ASH1L: variants seen among roughly 807,000 people sequenced by gnomAD.
ASH1L encodes ASH1 like histone lysine methyltransferase, also known as histone-lysine N-methyltransferase ASH1L.
Under a neutral mutation model 269.0 loss-of-function variants are expected in ASH1L, and 23 were observed. The observed-to-expected ratio is 0.09, with a 90% CI of 0.06 to 0.12. ASH1L has a LOEUF of 0.12. Among genes scored for constraint, ASH1L ranks in the 10% least tolerant of loss-of-function variants. The pLI is 1.00. For missense variants in ASH1L, 2,912 were observed against 3,567.8 expected, an observed-to-expected ratio of 0.82 and a Z score of 4.68; for synonymous variants, 1,187 against 1,253.5, an observed-to-expected ratio of 0.95 and a Z score of 1.12.
At chr1:155,459,011 T>C (rs1664084900) in intron 4 of ASH1L, among the ~76,000 whole-genome samples, 1 of 149,226 alleles carries the variant, frequency 6.7e-6, no homozygotes, top group Non-Finnish European at 1.5e-5. Flanking sequence ...ATTGGAAGCA[T>C]ACCCTAAATT....
intron 3 of ASH1L, among the ~76,000 whole-genome samples, chr1:155,472,970 A>C (rs1665220896): frequency 1.3e-5 from 2 of 152,158 alleles, no homozygotes. Context: ...CATTACTCTC[A>C]TGATTATACA....
intron 5 of ASH1L, among the ~76,000 whole-genome samples, chr1:155,420,215 C>G (rs982596094): frequency 3.3e-5 from 5 of 151,598 alleles, no homozygotes; most frequent in Middle Eastern, 3.2e-3. Context: ...GTCCCAGCTT[C>G]TCAGGAAGCT....
chr1:155,480,365 C>T lies in ASH1L; in HGVS notation c.2505G>A (p.Glu835=). The T allele has an allele frequency of 6.2e-7, 1 of 1,613,844 alleles. No individual in the cohort carries two copies. Among genetic ancestry groups the T allele is most frequent in the Non-Finnish European group, 8.5e-7 (1 of 1,179,774 alleles). Residue 835 remains glutamate (E), a synonymous_variant, in exon 3 of 28, where the codon GAG becomes GAA. Coordinates refer to ENST00000392403, the MANE Select transcript of ASH1L (RefSeq NM_018489.3). ...TAGGTGGCCCTTCCAGTTGAGGCAT[C>T]TCCTTAGATTTAGGCCTTCCTCTTT... The part of the protein sequence containing the change: ...KPKRGRPKSK[E]MPQLEGPPKR...
At chr1:155,431,216 A>C (rs539167182) in intron 5 of ASH1L, among the ~76,000 whole-genome samples, 13 of 150,896 alleles carry the variant, frequency 8.6e-5, no homozygotes, top group Admixed American at 6.6e-4. Context: ...ACAACAACAA[A>C]AATATATATA....
chr1:155,497,309 G>C (rs1007268856), intron 2 of ASH1L, among the ~76,000 whole-genome samples: 1 of 152,084 alleles, frequency 6.6e-6, no homozygotes, highest in African/African-American at 2.4e-5. Flanking sequence ...AATGAAATAT[G>C]GTATATACAA....
intron 1 of ASH1L, among the ~76,000 whole-genome samples, chr1:155,543,509 C>CA (rs34813767): frequency 0.32 from 18,336 of 56,900 alleles, 3,081 homozygotes; most frequent in East Asian, 0.69. Flanking sequence ...GACTCTGTCT[C>CA]AAAAAAAAAA....
intron 2 of ASH1L, among the ~76,000 whole-genome samples, chr1:155,512,094 G>A (rs1168158483): frequency 6.6e-6 from 1 of 152,140 alleles, no homozygotes; most frequent in Non-Finnish European, 1.5e-5. Context: ...TTACAGGTGT[G>A]AGCCACTGTG....
chr1:155,498,725 G>A (rs886099815), intron 2 of ASH1L, among the ~76,000 whole-genome samples: 1 of 151,990 alleles, frequency 6.6e-6, no homozygotes, highest in African/African-American at 2.4e-5. Flanking sequence ...ACAGGCATAA[G>A]CCACTGTGCC....
intron 15 of ASH1L, 134 bp downstream of exon 15, chr1:155,357,182 T>C: frequency 2.2e-6 from 1 of 462,860 alleles, no homozygotes; most frequent in East Asian, 4.1e-5. Context: ...TCCATCCAGG[T>C]TCATAGATCC....
At chr1:155,431,702 G>T (rs1241907069) in intron 5 of ASH1L, among the ~76,000 whole-genome samples, 1 of 152,118 alleles carries the variant, frequency 6.6e-6, no homozygotes, top group East Asian at 1.9e-4. Context: ...GGTGGAGGTT[G>T]CAGTGAACTG....
At chr1:155,543,509 CAAAAAAAAAAAA>C (rs34813767) in intron 1 of ASH1L, among the ~76,000 whole-genome samples, 25 of 57,456 alleles carry the variant, frequency 4.4e-4, no homozygotes, top group South Asian at 3.2e-3. Context: ...GACTCTGTCT[CAAAAAAAAAAAA>C]AAAAAAAAAA....
intron 1 of ASH1L, among the ~76,000 whole-genome samples, chr1:155,548,259 C>T (rs558324825): frequency 2.0e-5 from 3 of 152,246 alleles, no homozygotes; most frequent in African/African-American, 7.2e-5. Context: ...CAGTGGCTCA[C>T]GCCTGTAATC....
intron 3 of ASH1L, among the ~76,000 whole-genome samples, chr1:155,474,477 C>T (rs1240428702): frequency 6.6e-6 from 1 of 152,066 alleles, no homozygotes; most frequent in African/African-American, 2.4e-5. Context: ...GTAGGAGGGT[C>T]CCTTTGAGCC....
intron 1 of ASH1L, among the ~76,000 whole-genome samples, chr1:155,554,404 C>A (rs545657788): frequency 6.6e-6 from 1 of 152,076 alleles, no homozygotes; most frequent in Non-Finnish European, 1.5e-5. Flanking sequence ...TCCCGAGTAG[C>A]TGGGATTAAA....
intron 5 of ASH1L, among the ~76,000 whole-genome samples, chr1:155,434,832 C>A (rs568770060): frequency 1.3e-5 from 2 of 151,954 alleles, no homozygotes; most frequent in South Asian, 4.2e-4. Context: ...GCCTGGGCGA[C>A]AGAGCGAGAC....
At position 155,338,340 on chromosome 1, in the gene ASH1L, T is replaced by A; in HGVS notation, c.8552A>T (p.Gln2851Leu). 1 of 1,614,122 alleles carries A rather than the reference T, an allele frequency of 6.2e-7. No individual in the cohort carries two copies. Among genetic ancestry groups the A allele is most frequent in the Non-Finnish European group, 8.5e-7 (1 of 1,180,022 alleles). The stretch of plus-strand genomic sequence containing the variant: ...AATCAAGGGTAGAGCATCATCCTCC[T>A]GGCCCAAGTCTTTTAGGGGTGGCTT... Reference protein sequence around the residue: ...RSKPPLKDLGQEDDALPLIEE... With the variant: ...RSKPPLKDLGLEDDALPLIEE... Residue 2851 changes from glutamine to leucine, a missense_variant, in exon 27 of 28, where the codon CAG (glutamine) becomes CTG (leucine). By Grantham distance (113) the Gln-to-Leu change is moderately radical. Around this residue, in one of 13 missense-constraint regions of ASH1L, gnomAD observed 154 missense variants for 165.0 expected, o/e 0.93. Coordinates refer to ENST00000392403, the MANE Select transcript of ASH1L (RefSeq NM_018489.3).
rs376071723 is a variant in ASH1L at position 155,339,402 on chromosome 1, G to A, written c.8461-34C>T. ...AAGAAAAGGAAGAGGTAAGCATATT[G>A]TAGAAGCTGGGAGAGCTAGCTCTTC... On this transcript the variant is annotated intron_variant, in intron 25 of 27. Transcript: ENST00000392403. The A allele has an allele frequency of 1.1e-5, 17 of 1,608,414 alleles. No homozygotes were observed. In the African/African-American group the frequency reaches 2.1e-4, roughly 20 times the overall value.
intron 1 of ASH1L, among the ~76,000 whole-genome samples, chr1:155,535,461 A>G (rs1669989307): frequency 6.6e-6 from 1 of 152,028 alleles, no homozygotes; most frequent in Non-Finnish European, 1.5e-5. Flanking sequence ...ATTTCTAAAC[A>G]TTACAACATT....
At chr1:155,500,385 T>C (rs1310092565) in intron 2 of ASH1L, among the ~76,000 whole-genome samples, 1 of 152,168 alleles carries the variant, frequency 6.6e-6, no homozygotes, top group Non-Finnish European at 1.5e-5. Context: ...TAAGCAGCTT[T>C]TAAAGTAAAC....
Sources: gnomAD v4.1 joint callset for allele counts (sites outside exome capture counted in the v4.1 genomes callset) on GRCh38, gnomAD v4.1.1 for gene constraint, gnomAD v4.1.1 regional missense constraint, MANE v1.5 for transcripts, NCBI Gene and HGNC (gene_info 2026-07-23, HGNC 2026-07-21) for gene names.